Variants in ARAP1 observed in about 807,000 individuals in gnomAD.
The protein encoded by ARAP1 is arf-GAP with Rho-GAP domain, ANK repeat and PH domain-containing protein 1.
Under a neutral mutation model 172.2 loss-of-function variants are expected in ARAP1, and 76 were observed. The ratio of observed to expected loss-of-function variants is 0.44; its 90% CI spans 0.37 to 0.53. The LOEUF (loss-of-function observed/expected upper bound fraction) is 0.53, where lower values mean the gene tolerates loss of function less well. Among genes scored for constraint, ARAP1 ranks in the 20% least tolerant of loss-of-function variants. The pLI is 0.00. For synonymous variants in ARAP1, 804 were observed against 803.3 expected (o/e 1.00, Z -0.01); for missense variants, 1,686 against 1,977.5 (o/e 0.85, Z 2.80).
At chr11:72,692,712 G>C (rs1289238368) in intron 30 of ARAP1, 41 bp downstream of exon 30, 1 of 1,613,268 alleles carries the variant, frequency 6.2e-7, no homozygotes, top group East Asian at 2.2e-5. Context: ...TTGGCCCCCA[G>C]GTGGTGTAAG....
chr11:72,704,508 T>A, intron 13 of ARAP1, 174 bp from the exon 14 acceptor site: 6 of 665,902 alleles, frequency 9.0e-6, no homozygotes, highest in South Asian at 2.0e-5. Flanking sequence ...GGGATGCTCC[T>A]GCCACCAGCA....
chr11:72,698,217 C>A, intron 18 of ARAP1, 111 bp from the exon 19 acceptor site: 3 of 1,273,802 alleles, frequency 2.4e-6, no homozygotes, highest in Non-Finnish European at 3.2e-6. Flanking sequence ...GCTGCCTTCT[C>A]TTCTCTTCCC....
In ARAP1 at chr11:72,714,224, G is replaced by A. The variant is rs369562333; in HGVS notation, c.607C>T (p.Pro203Ser). Residue 203 changes from proline to serine, a missense_variant, in exon 4 of 35, where the codon CCC becomes TCC. Physicochemically the swap from Pro to Ser is moderately conservative, Grantham distance 74. Transcript: ENST00000393609. ...CAGGGAGGTGGAGAGGGAGGCTGGG[G>A]AGGCCCCTGGGGGAGGGTGGACAGG... ...EPLSTLPQGP[P>S]QPPSPPPCPP... 3.1e-5 allele frequency: 47 copies of A among 1,522,248 alleles called. No individual in the cohort carries two copies. Among genetic ancestry groups the A allele is most frequent in the Non-Finnish European group, 4.0e-5 (45 of 1,138,826 alleles). The allele number at this position is 1,522,248 out of a possible 1,614,324, so 94.3% of individuals were successfully genotyped here.
Position 72,687,419 on chromosome 11 carries a change from C to G in ARAP1, c.4185+20G>C. The stretch of plus-strand genomic sequence containing the variant: ...AGCCTCCAGGGACCCACCCCACACC[C>G]CACACTCTGCACCTGGTACCTGCAC... On this transcript the variant is annotated intron_variant, in intron 33 of 34. Transcript: ENST00000393609. 6.2e-7 allele frequency: 1 copy of G among 1,614,212 alleles called. No individual in the cohort carries two copies. The highest frequency in any genetic ancestry group is 8.5e-7 in the Non-Finnish European group (1 of 1,180,036).
At position 72,726,567 on chromosome 11, in the gene ARAP1, C is replaced by T. The variant is rs1460640035; in HGVS notation, c.509+53G>A. ...CCAAAGGCCACAAACTCCCCATCTA[C>T]CCTCTGGGATCCTCTGCCTGTGCGC... On this transcript the variant is annotated intron_variant, in intron 3 of 34. Transcript: ENST00000393609. The surrounding 1 kb of genome is among the most constrained non-coding windows in gnomAD (Gnocchi z 6.5). 6.9e-7 allele frequency: 1 copy of T among 1,450,730 alleles called. No individual in the cohort carries two copies. The highest frequency in any genetic ancestry group is 1.4e-5 in the African/African-American group (1 of 70,494). 89.9% of individuals were successfully genotyped at this position (1,450,730 alleles called of 1,614,324 possible). A position where few individuals can be genotyped will look rare whatever the true frequency, so the allele number is the denominator to read the frequency against.
Position 72,693,098 on chromosome 11 carries a change from G to T in ARAP1, c.3954+227C>A. 1.5e-6 allele frequency: 1 copy of T among 674,334 alleles called. No homozygotes were observed. The highest frequency in any genetic ancestry group is 2.5e-6 in the Non-Finnish European group (1 of 402,156). 41.8% of individuals were successfully genotyped at this position (674,334 alleles called of 1,614,324 possible). On this transcript the variant is annotated intron_variant, in intron 29 of 34. Coordinates refer to ENST00000393609, the MANE Select transcript of ARAP1 (RefSeq NM_001040118.3). The surrounding 1 kb of genome is among the most constrained non-coding windows in gnomAD (Gnocchi z 4.6). ...AGACAGAGCATGGGCATGGAGTGGT[G>T]TGATGGCATCCGGGTGCCAGGGCTT...
At chr11:72,711,885 C>T (rs775961580) in intron 7 of ARAP1, among the ~76,000 whole-genome samples, 3 of 151,960 alleles carry the variant, frequency 2.0e-5, no homozygotes, top group South Asian at 2.1e-4. Flanking sequence ...TTTGTAGAGA[C>T]GAGGTCTCGC....
At chr11:72,696,876 G>T in intron 22 of ARAP1, 107 bp downstream of exon 22, 3 of 1,224,578 alleles carry the variant, frequency 2.4e-6, no homozygotes, top group Non-Finnish European at 3.4e-6. Context: ...GGCAACTGGA[G>T]CCTGTGGGTT....
Position 72,695,043 on chromosome 11 carries a change from TC to T in ARAP1, c.3630del (p.Asn1211ThrfsTer46). ...TAGTCCTTCTCCCTGATGCCCACGT[TC>T]CGGCGATCCAGGATCTCCAGGGTGA... is the stretch of plus-strand genomic sequence containing the variant. ...EELTLEILDR[R>X]NVGIREKDYW... On this transcript the variant is annotated frameshift_variant, in exon 27 of 35. Transcript: ENST00000393609. LOFTEE classifies it high-confidence loss of function. The surrounding 1 kb of genome is among the most constrained non-coding windows in gnomAD (Gnocchi z 4.4). 1.9e-6 allele frequency: 3 copies of T among 1,614,150 alleles called. No individual in the cohort carries two copies. Among genetic ancestry groups the T allele is most frequent in the Non-Finnish European group, 2.5e-6 (3 of 1,180,010 alleles).
chr11:72,692,773 AC>A lies in ARAP1; in HGVS notation c.3966del (p.Trp1323GlyfsTer26). The part of the protein sequence containing the change: ...RLYKEVRSQR[P>X]WSGAPETSHR... ...CTCACGGTCTCAGGGGCCCCGCTCCACGGCCTCTGGCTCTGTTTGATAGAGG... is the reference window on the plus strand; with the variant it reads ...CTCACGGTCTCAGGGGCCCCGCTCCAGGCCTCTGGCTCTGTTTGATAGAGG... On this transcript the variant is annotated frameshift_variant, in exon 30 of 35. Transcript: ENST00000393609. LOFTEE classifies it high-confidence loss of function. The A allele has an allele frequency of 6.2e-7, 1 of 1,613,752 alleles. No homozygotes were observed. Among genetic ancestry groups the A allele is most frequent in the Non-Finnish European group, 8.5e-7 (1 of 1,179,998 alleles).
intron 1 of ARAP1, among the ~76,000 whole-genome samples, chr11:72,744,195 A>G (rs1013769359): frequency 2.0e-5 from 3 of 152,070 alleles, no homozygotes; most frequent in Admixed American, 2.0e-4. Context: ...TGTCACATAC[A>G]TACTCTCTTA....
chr11:72,699,449 C>T lies in ARAP1; in HGVS notation c.2406G>A (p.Val802=), dbSNP rs1001860593. 19 of 1,614,016 alleles carry T rather than the reference C, an allele frequency of 1.2e-5. No homozygotes were observed. Among genetic ancestry groups the T allele is most frequent in the Non-Finnish European group, 1.5e-5 (18 of 1,180,038 alleles). The change falls in exon 17 of 35, where the codon GTG becomes GTA. Residue 802 remains valine, a synonymous_variant. Transcript: ENST00000393609. This position sits in a 1 kb window ranked among gnomAD's most constrained non-coding sequence, Gnocchi z 4.2. ...PNGEIRASEI[V]CLAVPPPDTH... ...TGTCAGGAGGGGGCACTGCCAGGCACACAATCTCGCTGGCCCGAATCTCTC... is the reference window on the plus strand; with the variant it reads ...TGTCAGGAGGGGGCACTGCCAGGCATACAATCTCGCTGGCCCGAATCTCTC...
At chr11:72,730,633 G>A (rs960835987) in intron 2 of ARAP1, among the ~76,000 whole-genome samples, 1 of 152,142 alleles carries the variant, frequency 6.6e-6, no homozygotes, top group Non-Finnish European at 1.5e-5. Context: ...CCAGGATGTG[G>A]AGGTTGCAGT....
intron 3 of ARAP1, among the ~76,000 whole-genome samples, chr11:72,723,042 TCA>T (rs1325108992): frequency 6.6e-6 from 1 of 152,150 alleles, no homozygotes; most frequent in African/African-American, 2.4e-5. Flanking sequence ...GTGCAGTGGC[TCA>T]CACCTGTAAT....
rs981562525 is a variant in ARAP1 at position 72,686,660 on chromosome 11, T to C, written c.4186-469A>G. On this transcript the variant is annotated intron_variant, in intron 33 of 34. Coordinates refer to ENST00000393609, the MANE Select transcript of ARAP1 (RefSeq NM_001040118.3). ...TGTGTCTTAATTCATCTGTTTTAAG[T>C]CTAACCCAGCCTCTGGCCCTGCTCT... Among the ~76,000 whole-genome samples the C allele has an allele frequency of 4.6e-5, 7 of 152,304 alleles. No individual in the cohort carries two copies. The South Asian group carries it at 1.2e-3, about 27-fold the overall frequency.
In ARAP1 at chr11:72,693,880, A is replaced by G. The variant is rs1372911637; in HGVS notation, c.3695-75T>C. ...ACCAAAGGCTGGCAGATGGGCACATATCACCTACACATCCCCTGTCCACTC... is the reference window on the plus strand; with the variant it reads ...ACCAAAGGCTGGCAGATGGGCACATGTCACCTACACATCCCCTGTCCACTC... On this transcript the variant is annotated intron_variant, in intron 27 of 34. Coordinates refer to ENST00000393609, the MANE Select transcript of ARAP1 (RefSeq NM_001040118.3). This position sits in a 1 kb window ranked among gnomAD's most constrained non-coding sequence, Gnocchi z 4.6. 8.2e-7 allele frequency: 1 copy of G among 1,213,734 alleles called. No homozygotes were observed. Among genetic ancestry groups the G allele is most frequent in the Non-Finnish European group, 1.2e-6 (1 of 866,354 alleles). The allele number at this position is 1,213,734 out of a possible 1,614,324, so 75.2% of individuals were successfully genotyped here. A position where few individuals can be genotyped will look rare whatever the true frequency, so the allele number is the denominator to read the frequency against.
chr11:72,740,382 C>T (rs920884917), intron 1 of ARAP1, among the ~76,000 whole-genome samples: 2 of 152,224 alleles, frequency 1.3e-5, no homozygotes, highest in African/African-American at 4.8e-5. Flanking sequence ...CTCACGCTAA[C>T]TCCAACCCCA....
chr11:72,687,464 C>T lies in ARAP1; in HGVS notation c.4160G>A (p.Trp1387Ter). The T allele has an allele frequency of 1.9e-6, 3 of 1,614,172 alleles. No individual in the cohort carries two copies. The highest frequency in any genetic ancestry group is 2.5e-6 in the Non-Finnish European group (3 of 1,180,028). Residue 1387 changes from tryptophan (W) to a stop codon, truncating the protein, a stop_gained, in exon 33 of 35, where the codon TGG becomes TAG. Transcript: ENST00000393609. LOFTEE classifies it high-confidence loss of function. ...CCDTQMELREWFATFLFVQHD... is the reference protein window; with the variant it reads ...CCDTQMELRE ...CTGCACAAACAGAAAGGTAGCGAAC[C>T]ACTCCCGGAGCTCCATCTGTGTGTC...
At chr11:72,704,059 C>A in intron 14 of ARAP1, 93 bp downstream of exon 14, 1 of 1,499,982 alleles carries the variant, frequency 6.7e-7, no homozygotes, top group Non-Finnish European at 9.2e-7. Flanking sequence ...TCTCCCTGAG[C>A]TGGTAGATGA....
Sources: allele counts gnomAD v4.1 joint callset (sites outside exome capture counted in the v4.1 genomes callset), GRCh38; gene constraint gnomAD v4.1.1; non-coding constraint Gnocchi (gnomAD v3.1); transcripts MANE v1.5; gene names NCBI Gene and HGNC (gene_info 2026-07-23, HGNC 2026-07-21).